Variants in CDK8 observed in about 807,000 individuals in gnomAD.
CDK8 encodes cyclin dependent kinase 8.
Under a neutral mutation model 71.5 loss-of-function variants are expected in CDK8, and 29 were observed. The observed-to-expected ratio is 0.41, with a 90% CI of 0.30 to 0.55. The LOEUF (loss-of-function observed/expected upper bound fraction) is 0.55, where lower values mean the gene tolerates loss of function less well. Among genes scored for constraint, CDK8 ranks in the 20% least tolerant of loss-of-function variants. The probability of loss-of-function intolerance (pLI) is 0.37; values close to 1 mark genes in which losing one functional copy is unlikely to be tolerated. For missense variants in CDK8, 288 were observed against 572.6 expected (o/e 0.50, Z 5.07); for synonymous variants, 161 against 192.1 (o/e 0.84, Z 1.34).
intron 1 of CDK8, among the ~76,000 whole-genome samples, chr13:26,261,056 A>T (rs1405464883): frequency 6.6e-6 from 1 of 152,222 alleles, no homozygotes; most frequent in Non-Finnish European, 1.5e-5. Flanking sequence ...CTTAGAAATT[A>T]TCTTTTCTCT....
chr13:26,288,448 T>C (rs1873128520), intron 1 of CDK8, among the ~76,000 whole-genome samples: 1 of 152,162 alleles, frequency 6.6e-6, no homozygotes, highest in Admixed American at 6.5e-5. Context: ...TTGTCTTAAT[T>C]ACTATAGCCT....
chr13:26,360,589 A>G (rs1874091542), intron 4 of CDK8, among the ~76,000 whole-genome samples: 1 of 152,140 alleles, frequency 6.6e-6, no homozygotes. Flanking sequence ...GTAATATGGT[A>G]ATCTATTTGA....
intron 1 of CDK8, among the ~76,000 whole-genome samples, chr13:26,290,220 A>C (rs935153166): frequency 6.6e-6 from 1 of 152,302 alleles, no homozygotes; most frequent in South Asian, 2.1e-4. Context: ...AAAGTGTTGA[A>C]GTTGTTTTAA....
intron 12 of CDK8, 43 bp from the exon 13 acceptor site, chr13:26,403,913 C>T (rs559502341): frequency 4.4e-6 from 7 of 1,601,872 alleles, no homozygotes; most frequent in Non-Finnish European, 5.9e-6. Context: ...TGAGCTTCCC[C>T]TAGAAGCACC....
Position 26,401,042 on chromosome 13 carries a change from G to T in CDK8, c.1032-227G>T, listed in dbSNP as rs764969044. 6.6e-6 allele frequency among the ~76,000 whole-genome samples: 1 copy of T among 152,236 alleles called. No individual in the cohort carries two copies. Among genetic ancestry groups the T allele is most frequent in the South Asian group, 2.1e-4 (1 of 4,814 alleles). On this transcript the variant is annotated intron_variant, in intron 10 of 12. Transcript: ENST00000381527. This position sits in a 1 kb window ranked among gnomAD's most constrained non-coding sequence, Gnocchi z 4.5. ...AAAAGAAGAAAGCTGAATCATACTC[G>T]ATGATTATTGATCATTTGTATACAG...
At chr13:26,314,529 T>G (rs775475741) in intron 1 of CDK8, among the ~76,000 whole-genome samples, 1 of 152,240 alleles carries the variant, frequency 6.6e-6, no homozygotes, top group African/African-American at 2.4e-5. Context: ...CAAACAGATA[T>G]GTAATTGCAG....
At chr13:26,329,483 G>GTTT (rs543441898) in intron 1 of CDK8, among the ~76,000 whole-genome samples, 8 of 128,496 alleles carry the variant, frequency 6.2e-5, no homozygotes, top group African/African-American at 1.8e-4. Context: ...TTTTTTTTTT[G>GTTT]TTTTTTTTTT....
intron 1 of CDK8, among the ~76,000 whole-genome samples, chr13:26,269,422 T>A (rs1217074438): frequency 6.6e-6 from 1 of 152,230 alleles, no homozygotes; most frequent in Non-Finnish European, 1.5e-5. Context: ...TAGCCAAGAC[T>A]AGCTGACCTC....
chr13:26,358,967 C>T, intron 4 of CDK8: 2 of 242,710 alleles, frequency 8.2e-6, no homozygotes, highest in South Asian at 4.0e-5. Context: ...TTTGAGGCTG[C>T]AGTGAGCTGT....
intron 4 of CDK8, among the ~76,000 whole-genome samples, chr13:26,379,525 C>T (rs1875116794): frequency 6.6e-6 from 1 of 152,090 alleles, no homozygotes. Context: ...TCTTCAAGTG[C>T]CAAGCCAATA....
intron 1 of CDK8, among the ~76,000 whole-genome samples, chr13:26,277,567 C>T (rs2137880501): frequency 6.6e-6 from 1 of 152,122 alleles, no homozygotes; most frequent in East Asian, 1.9e-4. Context: ...GAGAAAGGTA[C>T]CATAGTATAT....
Position 26,254,848 on chromosome 13 carries a change from G to A in CDK8, c.128+79G>A. 1 of 1,552,084 alleles carries A rather than the reference G, an allele frequency of 6.4e-7. No homozygotes were observed. The highest frequency in any genetic ancestry group is 8.7e-7 in the Non-Finnish European group (1 of 1,145,576). On this transcript the variant is annotated intron_variant, in intron 1 of 12. Coordinates refer to ENST00000381527, the MANE Select transcript of CDK8 (RefSeq NM_001260.3). This position sits in a 1 kb window ranked among gnomAD's most constrained non-coding sequence, Gnocchi z 6.7. ...GAGGCAGGTAGCCCGGAGGGAGAGC[G>A]GGCCGCCGGGGTGCCGGGCTCTGAC...
chr13:26,383,683 A>G (rs903320463), intron 5 of CDK8, among the ~76,000 whole-genome samples: 1 of 152,220 alleles, frequency 6.6e-6, no homozygotes, highest in East Asian at 1.9e-4. Context: ...GCTGATTTGT[A>G]TCACTTCACC....
At chr13:26,283,719 G>A (rs952900779) in intron 1 of CDK8, among the ~76,000 whole-genome samples, 1 of 152,018 alleles carries the variant, frequency 6.6e-6, no homozygotes, top group African/African-American at 2.4e-5. Context: ...CCAATTTGGT[G>A]AAACCCCTTC....
At chr13:26,285,629 A>G (rs1872974138) in intron 1 of CDK8, among the ~76,000 whole-genome samples, 1 of 152,200 alleles carries the variant, frequency 6.6e-6, no homozygotes, top group Admixed American at 6.5e-5. Context: ...ATTGTACTAG[A>G]AGTCCCAGCC....
At chr13:26,379,615 A>G (rs541285768) in intron 4 of CDK8, among the ~76,000 whole-genome samples, 1 of 152,270 alleles carries the variant, frequency 6.6e-6, no homozygotes, top group South Asian at 2.1e-4. Flanking sequence ...AGGGAAGGAG[A>G]AAAAAAGATG....
intron 1 of CDK8, among the ~76,000 whole-genome samples, chr13:26,309,703 C>T (rs550831893): frequency 1.3e-5 from 2 of 152,154 alleles, no homozygotes; most frequent in Non-Finnish European, 2.9e-5. Flanking sequence ...TGAGTACTGT[C>T]ACATTTACAT....
intron 1 of CDK8, among the ~76,000 whole-genome samples, chr13:26,315,951 G>A (rs1430218197): frequency 1.3e-5 from 2 of 152,158 alleles, no homozygotes; most frequent in African/African-American, 2.4e-5. Context: ...TAAGTTCCAG[G>A]GGAAGATTTG....
intron 1 of CDK8, among the ~76,000 whole-genome samples, chr13:26,278,860 CTT>C (rs1465480859): frequency 6.6e-6 from 1 of 150,986 alleles, no homozygotes; most frequent in Non-Finnish European, 1.5e-5. Flanking sequence ...CAGTTACAGA[CTT>C]TTTTCTTTTC....
Sources: gnomAD v4.1 joint callset for allele counts (sites outside exome capture counted in the v4.1 genomes callset) on GRCh38, gnomAD v4.1.1 for gene constraint, Gnocchi (gnomAD v3.1) non-coding constraint, MANE v1.5 for transcripts, NCBI Gene and HGNC (gene_info 2026-07-23, HGNC 2026-07-21) for gene names.